The following DCC variants were observed in gnomAD, a reference collection of about 807,000 sequenced individuals.
DCC encodes DCC netrin 1 receptor.
In DCC, 58 loss-of-function variants were observed where a neutral mutation model predicts 172.5. The ratio of observed to expected loss-of-function variants is 0.34; its 90% CI spans 0.27 to 0.42. The LOEUF is 0.42. Ranked by LOEUF, DCC falls within the 10% of genes least tolerant of loss-of-function variation. DCC has a pLI of 1.00. For synonymous variants in DCC, 709 were observed against 644.5 expected (o/e 1.10, Z -1.52); for missense variants, 1,740 against 1,791.0 (o/e 0.97, Z 0.51).
At chr18:53,224,797 G>A (rs1221423304) in intron 12 of DCC, among the ~76,000 whole-genome samples, 1 of 152,100 alleles carries the variant, frequency 6.6e-6, no homozygotes, top group Non-Finnish European at 1.5e-5. Context: ...TGGTTTAGGG[G>A]ACAATCACTT....
chr18:52,518,311 G>A (rs1282371627), intron 1 of DCC, among the ~76,000 whole-genome samples: 1 of 152,168 alleles, frequency 6.6e-6, no homozygotes, highest in South Asian at 2.1e-4. Flanking sequence ...GAGGGGTCAG[G>A]GTAGAGTTCC....
intron 1 of DCC, among the ~76,000 whole-genome samples, chr18:52,638,999 C>T (rs1190399219): frequency 6.6e-6 from 1 of 152,046 alleles, no homozygotes; most frequent in Admixed American, 6.5e-5. Flanking sequence ...AAATCAACTC[C>T]AAAAGGAACC....
intron 18 of DCC, among the ~76,000 whole-genome samples, chr18:53,399,134 T>C (rs550439536): frequency 1.1e-4 from 16 of 152,156 alleles, no homozygotes; most frequent in African/African-American, 3.1e-4. Context: ...AAAATAAACG[T>C]GACAGGAAGG....
intron 5 of DCC, among the ~76,000 whole-genome samples, chr18:52,951,695 G>T (rs1188320333): frequency 1.3e-5 from 2 of 152,158 alleles, no homozygotes; most frequent in African/African-American, 2.4e-5. Flanking sequence ...TATGGGAAAA[G>T]TATCATTTCA....
At chr18:53,004,941 A>G (rs748719314) in intron 5 of DCC, among the ~76,000 whole-genome samples, 1 of 152,200 alleles carries the variant, frequency 6.6e-6, no homozygotes, top group Non-Finnish European at 1.5e-5. Flanking sequence ...GTAAGAAGTG[A>G]TTAGGTCATG....
intron 1 of DCC, among the ~76,000 whole-genome samples, chr18:52,558,222 G>A (rs1244694081): frequency 6.6e-6 from 1 of 151,544 alleles, no homozygotes; most frequent in Admixed American, 6.6e-5. Flanking sequence ...TAAGATTTTT[G>A]TTAGTGTAAA....
At chr18:52,472,186 G>A (rs1317324791) in intron 1 of DCC, among the ~76,000 whole-genome samples, 1 of 152,144 alleles carries the variant, frequency 6.6e-6, no homozygotes, top group Non-Finnish European at 1.5e-5. Context: ...CCAGTGAAAT[G>A]AGTCAAAAGT....
chr18:52,705,960 A>G (rs934688085), intron 1 of DCC, among the ~76,000 whole-genome samples: 1 of 152,218 alleles, frequency 6.6e-6, no homozygotes, highest in Non-Finnish European at 1.5e-5. Flanking sequence ...TTATGTTAAC[A>G]AAGAATGTAG....
At position 52,629,912 on chromosome 18, in the gene DCC, T is replaced by C. The variant is rs1410726120; in HGVS notation, c.92-122142T>C. ...TTGCAGTGAGCGGAGATGGCGCCACTGCACTCCAGCCTGGGCGACAGAGCA... is the reference window on the plus strand; with the variant it reads ...TTGCAGTGAGCGGAGATGGCGCCACCGCACTCCAGCCTGGGCGACAGAGCA... On this transcript the variant is annotated intron_variant, in intron 1 of 28. Transcript: ENST00000442544. Among the ~76,000 whole-genome samples the C allele has an allele frequency of 2.3e-4, 30 of 129,794 alleles. No individual in the cohort carries two copies. In the Admixed American group the frequency reaches 2.9e-3, roughly 13 times the overall value. 85.1% of individuals were successfully genotyped at this position (129,794 alleles called of 152,430 possible).
At chr18:53,293,027 C>T (rs1024987252) in intron 12 of DCC, among the ~76,000 whole-genome samples, 3 of 152,086 alleles carry the variant, frequency 2.0e-5, no homozygotes, top group Non-Finnish European at 4.4e-5. Flanking sequence ...AAAATAAGAG[C>T]AAAACTTTGT....
At chr18:53,221,007 G>C (rs1014549675) in intron 12 of DCC, among the ~76,000 whole-genome samples, 1 of 152,036 alleles carries the variant, frequency 6.6e-6, no homozygotes, top group Admixed American at 6.6e-5. Flanking sequence ...TAATTTGTAA[G>C]AATCTGTGAG....
At chr18:52,696,767 G>T (rs1477509213) in intron 1 of DCC, among the ~76,000 whole-genome samples, 2 of 152,164 alleles carry the variant, frequency 1.3e-5, no homozygotes, top group Non-Finnish European at 2.9e-5. Context: ...ATAAGATCAG[G>T]TACAATGACA....
chr18:52,718,123 G>A (rs2036415730), intron 1 of DCC, among the ~76,000 whole-genome samples: 1 of 152,116 alleles, frequency 6.6e-6, no homozygotes, highest in Non-Finnish European at 1.5e-5. Context: ...CCGTACAGCT[G>A]GCTCACTTTG....
intron 2 of DCC, among the ~76,000 whole-genome samples, chr18:52,843,790 C>T (rs2038843662): frequency 6.6e-6 from 1 of 152,126 alleles, no homozygotes; most frequent in African/African-American, 2.4e-5. Context: ...ACCCAGTTGT[C>T]AGGAGCAGAT....
At position 53,066,947 on chromosome 18, in the gene DCC, G is replaced by A. The variant is rs77780869; in HGVS notation, c.1261+781G>A. 1.3e-4 allele frequency among the ~76,000 whole-genome samples: 19 copies of A among 151,990 alleles called. No individual in the cohort carries two copies. In the East Asian group the frequency reaches 3.7e-3, roughly 30 times the overall value. On this transcript the variant is annotated intron_variant, in intron 7 of 28. Coordinates refer to ENST00000442544, the MANE Select transcript of DCC (RefSeq NM_005215.4). The stretch of plus-strand genomic sequence containing the variant: ...GTGCAGGAGAAACAGAGAAAGAGGG[G>A]GAAGTGCTACACACTTTTAAACAAC...
intron 9 of DCC, among the ~76,000 whole-genome samples, chr18:53,200,409 T>A (rs2055518470): frequency 6.6e-6 from 1 of 152,192 alleles, no homozygotes; most frequent in Non-Finnish European, 1.5e-5. Context: ...TATGGTAACA[T>A]TTGTAACTGT....
rs149844250 is a variant in DCC at position 52,552,693 on chromosome 18, C to G, written c.92-199361C>G. On this transcript the variant is annotated intron_variant, in intron 1 of 28. Transcript: ENST00000442544. Reference sequence around the variant, plus strand: ...ATGAGTAATCAAGGCAGTTAATTAACTGGCTTAAGGCAAAAAAATTGTCTT... The same window carrying G: ...ATGAGTAATCAAGGCAGTTAATTAAGTGGCTTAAGGCAAAAAAATTGTCTT... 6.0e-4 allele frequency among the ~76,000 whole-genome samples: 92 copies of G among 152,070 alleles called. 2 individuals are homozygous for G. The East Asian group carries it at 0.015, about 25-fold the overall frequency.
chr18:53,066,014 A>C, intron 6 of DCC, 32 bp from the exon 7 acceptor site: 1 of 1,611,198 alleles, frequency 6.2e-7, no homozygotes, highest in Non-Finnish European at 8.5e-7. Flanking sequence ...TTTGCTTTCT[A>C]AAATACTTTA....
chr18:52,743,042 T>A (rs2036847418), intron 1 of DCC, among the ~76,000 whole-genome samples: 1 of 152,338 alleles, frequency 6.6e-6, no homozygotes, highest in African/African-American at 2.4e-5. Flanking sequence ...TCCATATTTT[T>A]GTATTGTGTA....
Sources: gnomAD v4.1 joint callset for allele counts (sites outside exome capture counted in the v4.1 genomes callset) on GRCh38, gnomAD v4.1.1 for gene constraint, MANE v1.5 for transcripts, NCBI Gene and HGNC (gene_info 2026-07-23, HGNC 2026-07-21) for gene names.